The following EIPR1 variants were observed in gnomAD, a reference collection of about 807,000 sequenced individuals.
The protein encoded by EIPR1 is EARP and GARP complex-interacting protein 1.
In EIPR1, 25 loss-of-function variants were observed where a neutral mutation model predicts 48.1. That is an observed-to-expected ratio of 0.52 (90% CI 0.38 to 0.73). The LOEUF (loss-of-function observed/expected upper bound fraction) is 0.73. Among genes scored for constraint, EIPR1 ranks in the 30% least tolerant of loss-of-function variants. The pLI is 0.00. For missense variants in EIPR1, 415 were observed against 506.2 expected, an observed-to-expected ratio of 0.82 and a Z score of 1.73; for synonymous variants, 204 against 201.9, an observed-to-expected ratio of 1.01 and a Z score of -0.09.
chr2:3,201,993 G>A (rs1250281543), intron 5 of EIPR1, among the ~76,000 whole-genome samples: 2 of 152,106 alleles, frequency 1.3e-5, no homozygotes, highest in African/African-American at 4.8e-5. Flanking sequence ...CTGGAGTGCA[G>A]TGGCGCGATC....
chr2:3,209,263 G>A (rs1379656112), intron 5 of EIPR1, among the ~76,000 whole-genome samples: 1 of 152,158 alleles, frequency 6.6e-6, no homozygotes, highest in Non-Finnish European at 1.5e-5. Flanking sequence ...GAAGCTGGAA[G>A]CCAGGAAACA....
chr2:3,374,259 C>T (rs1175969595), intron 1 of EIPR1, among the ~76,000 whole-genome samples: 1 of 152,054 alleles, frequency 6.6e-6, no homozygotes, highest in East Asian at 1.9e-4. Context: ...AACGTTAGAC[C>T]TAAAACCATA....
chr2:3,195,590 G>A (rs912283922), intron 6 of EIPR1, among the ~76,000 whole-genome samples: 5 of 152,154 alleles, frequency 3.3e-5, no homozygotes, highest in African/African-American at 1.2e-4. Context: ...AAGGGAAACA[G>A]GCAAAGGTAG....
intron 3 of EIPR1, among the ~76,000 whole-genome samples, chr2:3,292,269 G>A (rs1450814859): frequency 6.6e-6 from 1 of 152,176 alleles, no homozygotes; most frequent in Non-Finnish European, 1.5e-5. Context: ...TTATGTTAAT[G>A]GTTTATCATC....
At chr2:3,204,099 G>A (rs1665141133) in intron 5 of EIPR1, among the ~76,000 whole-genome samples, 1 of 152,270 alleles carries the variant, frequency 6.6e-6, no homozygotes, top group Non-Finnish European at 1.5e-5. Context: ...CTGACCAGAG[G>A]TGAAAGGGAG....
In EIPR1 at chr2:3,189,174, T is replaced by G. The variant is rs1664509915; in HGVS notation, c.*160A>C. 2 of 718,786 alleles carry G rather than the reference T, an allele frequency of 2.8e-6. No individual in the cohort carries two copies. Among genetic ancestry groups the G allele is most frequent in the African/African-American group, 1.8e-5 (1 of 56,032 alleles). The allele number at this position is 718,786 out of a possible 1,614,324, so 44.5% of individuals were successfully genotyped here. The stretch of plus-strand genomic sequence containing the variant: ...GCTGTGCCGTCGACAATAGCCCCAT[T>G]CACCCCATTCATAAATGCTGCTGCT... On this transcript the variant is annotated 3_prime_UTR_variant, in exon 9 of 9. Transcript: ENST00000382125. The surrounding 1 kb of genome is among the most constrained non-coding windows in gnomAD (Gnocchi z 4.6).
chr2:3,373,915 C>G (rs1021265433), intron 1 of EIPR1, among the ~76,000 whole-genome samples: 1 of 151,636 alleles, frequency 6.6e-6, no homozygotes, highest in African/African-American at 2.4e-5. Context: ...GAGCCCTCAT[C>G]GCCAAGTCAA....
Position 3,259,521 on chromosome 2 carries a change from C to T in EIPR1, c.260-2066G>A, listed in dbSNP as rs1190407902. ...GACCAGCTGGACAATGAAGTTTCCACGTATCCGGTTCATGTAGCGCTATTC... is the reference window on the plus strand; with the variant it reads ...GACCAGCTGGACAATGAAGTTTCCATGTATCCGGTTCATGTAGCGCTATTC... On this transcript the variant is annotated intron_variant, in intron 3 of 8. Coordinates refer to ENST00000382125, the MANE Select transcript of EIPR1 (RefSeq NM_003310.5). Among the ~76,000 whole-genome samples, 6 of 152,280 alleles carry T rather than the reference C, an allele frequency of 3.9e-5. No homozygotes were observed. In the South Asian group the frequency reaches 6.2e-4, roughly 16 times the overall value.
intron 1 of EIPR1, among the ~76,000 whole-genome samples, chr2:3,365,257 T>C (rs1558321870): frequency 6.6e-6 from 1 of 151,910 alleles, no homozygotes; most frequent in African/African-American, 2.4e-5. Context: ...GACAATATGA[T>C]GAGACCCCCC....
chr2:3,232,971 C>T (rs886670167), intron 4 of EIPR1, among the ~76,000 whole-genome samples: 3 of 152,184 alleles, frequency 2.0e-5, no homozygotes, highest in Admixed American at 2.0e-4. Flanking sequence ...CGAAGTCTCA[C>T]GTTAAGCTGT....
At chr2:3,313,657 C>T (rs1374107674) in intron 3 of EIPR1, among the ~76,000 whole-genome samples, 3 of 152,196 alleles carry the variant, frequency 2.0e-5, no homozygotes, top group African/African-American at 7.2e-5. Context: ...ATTTTCAGCT[C>T]TCCCCACTGT....
intron 3 of EIPR1, among the ~76,000 whole-genome samples, chr2:3,336,465 G>A (rs1670044989): frequency 6.6e-6 from 1 of 152,176 alleles, no homozygotes; most frequent in South Asian, 2.1e-4. Flanking sequence ...TGGGGCAGCT[G>A]TGAAGTTAAA....
In EIPR1 at chr2:3,194,004, G is replaced by T; in HGVS notation, c.816C>A (p.Ser272=). 1 of 1,613,588 alleles carries T rather than the reference G, an allele frequency of 6.2e-7. No homozygotes were observed. Among genetic ancestry groups the T allele is most frequent in the Non-Finnish European group, 8.5e-7 (1 of 1,179,944 alleles). The change falls in exon 7 of 9, where the codon TCC becomes TCA. Residue 272 remains serine (S), a synonymous_variant. Transcript: ENST00000382125. ...GCAGCCAGGAGCGGCCCTACCAGTG[G>T]GAGTGCTCCTCCAGGGTCTTCACGG... ...TEPVKTLEEH[S]HWVWNVRYNH...
chr2:3,278,594 G>A (rs949902693), intron 3 of EIPR1, among the ~76,000 whole-genome samples: 1 of 152,138 alleles, frequency 6.6e-6, no homozygotes, highest in East Asian at 1.9e-4. Flanking sequence ...CGACCCCTGA[G>A]GTTGGCCTGG....
chr2:3,271,992 T>C (rs1176166466), intron 3 of EIPR1, among the ~76,000 whole-genome samples: 1 of 152,258 alleles, frequency 6.6e-6, no homozygotes, highest in Non-Finnish European at 1.5e-5. Context: ...GAGAACTTGC[T>C]GCAGCTTCTC....
chr2:3,238,899 A>G (rs1051657834), intron 4 of EIPR1, among the ~76,000 whole-genome samples: 3 of 152,176 alleles, frequency 2.0e-5, no homozygotes, highest in Admixed American at 1.3e-4. Context: ...CTAGCCTTGG[A>G]AAAGATTGTG....
intron 4 of EIPR1, among the ~76,000 whole-genome samples, chr2:3,254,910 T>C (rs765334223): frequency 2.6e-5 from 4 of 152,234 alleles, no homozygotes; most frequent in African/African-American, 4.8e-5. Flanking sequence ...AGTTTCCTGT[T>C]TGTGATACAG....
intron 4 of EIPR1, among the ~76,000 whole-genome samples, chr2:3,240,496 C>A (rs1287034512): frequency 4.9e-5 from 7 of 144,232 alleles, no homozygotes; most frequent in African/African-American, 7.7e-5. Context: ...CCTCCTAAAG[C>A]AAAGCCAGCA....
chr2:3,290,535 G>C (rs561477058), intron 3 of EIPR1, among the ~76,000 whole-genome samples: 59 of 152,182 alleles, frequency 3.9e-4, no homozygotes, highest in Non-Finnish European at 8.4e-4. Flanking sequence ...TACTTCTTTA[G>C]GGATTTTTCC....
Sources: gnomAD v4.1 joint callset for allele counts (sites outside exome capture counted in the v4.1 genomes callset) on GRCh38, gnomAD v4.1.1 for gene constraint, Gnocchi (gnomAD v3.1) non-coding constraint, MANE v1.5 for transcripts, NCBI Gene and HGNC (gene_info 2026-07-23, HGNC 2026-07-21) for gene names.